The following MAP3K9 variants were observed in gnomAD, a reference collection of about 807,000 sequenced individuals.
MAP3K9 encodes the protein mixed lineage kinase 1 (tyr and ser/thr specificity).
MAP3K9 carries 46 observed loss-of-function variants against 95.8 expected under a neutral mutation model. The observed-to-expected ratio is 0.48, with a 90% CI of 0.38 to 0.61. MAP3K9 has a LOEUF of 0.61. Ranked by LOEUF, MAP3K9 falls within the 20% of genes least tolerant of loss-of-function variation. The probability of loss-of-function intolerance (pLI) is 0.00; values close to 1 mark genes in which losing one functional copy is unlikely to be tolerated. For missense variants in MAP3K9, 1,296 were observed against 1,474.3 expected (o/e 0.88, Z 1.98); for synonymous variants, 533 against 593.8 (o/e 0.90, Z 1.49).
chr14:70,785,482 T>TTC (rs1221375580), intron 2 of MAP3K9, among the ~76,000 whole-genome samples: 1 of 152,106 alleles, frequency 6.6e-6, no homozygotes, highest in Non-Finnish European at 1.5e-5. Flanking sequence ...TTAATGTGGT[T>TTC]TCTCTCTCTC....
chr14:70,745,393 T>G (rs1330367684), intron 5 of MAP3K9, among the ~76,000 whole-genome samples: 1 of 152,112 alleles, frequency 6.6e-6, no homozygotes, highest in East Asian at 1.9e-4. Flanking sequence ...CTATAAACTC[T>G]CCATTCAGCT....
At position 70,803,881 on chromosome 14, in the gene MAP3K9, C is replaced by T. The variant is rs558834149; in HGVS notation, c.407-2801G>A. 3.7e-4 allele frequency among the ~76,000 whole-genome samples: 57 copies of T among 152,302 alleles called. No individual in the cohort carries two copies. In the Middle Eastern group the frequency reaches 0.01, roughly 27 times the overall value. On this transcript the variant is annotated intron_variant, in intron 1 of 11. Coordinates refer to ENST00000554752, the MANE Select transcript of MAP3K9 (RefSeq NM_001284230.2). ...GCTAGGAAGCTAAAAACTACATTTC[C>T]CAGACTCCTTTACAGCTAAAGTTCT... is the stretch of plus-strand genomic sequence containing the variant.
At chr14:70,737,368 A>C (rs984037030) in intron 8 of MAP3K9, among the ~76,000 whole-genome samples, 5 of 152,234 alleles carry the variant, frequency 3.3e-5, no homozygotes, top group Non-Finnish European at 5.9e-5. Context: ...ATAACGTCAC[A>C]CAGCTAGGTG....
In MAP3K9 at chr14:70,809,196, G is replaced by C. The variant is rs556765976; in HGVS notation, c.-25C>G. 9.3e-5 allele frequency: 121 copies of C among 1,295,440 alleles called. 2 individuals are homozygous for C. The South Asian group carries it at 2.8e-3, about 30-fold the overall frequency. The allele number at this position is 1,295,440 out of a possible 1,614,324, so 80.2% of individuals were successfully genotyped here. A position where few individuals can be genotyped will look rare whatever the true frequency, so the allele number is the denominator to read the frequency against. ...TGGAGCGGCCGATCCATAGGGTGCGGGGCCGCCGCCGCCCGCAGGAGCCGC... is the reference window on the plus strand; with the variant it reads ...TGGAGCGGCCGATCCATAGGGTGCGCGGCCGCCGCCGCCCGCAGGAGCCGC... On this transcript the variant is annotated 5_prime_UTR_variant, in exon 1 of 12. Coordinates refer to ENST00000554752, the MANE Select transcript of MAP3K9 (RefSeq NM_001284230.2).
At chr14:70,740,819 T>C (rs1350891125) in intron 6 of MAP3K9, among the ~76,000 whole-genome samples, 1 of 152,230 alleles carries the variant, frequency 6.6e-6, no homozygotes, top group Admixed American at 6.5e-5. Flanking sequence ...TAGACTGTGA[T>C]CTCCCTGCAG....
Position 70,764,192 on chromosome 14 carries a change from C to CAAAAAAAAAA in MAP3K9, c.821-3020_821-3011dup, listed in dbSNP as rs71105731. On this transcript the variant is annotated intron_variant, in intron 2 of 11. Coordinates refer to ENST00000554752, the MANE Select transcript of MAP3K9 (RefSeq NM_001284230.2). The stretch of plus-strand genomic sequence containing the variant: ...TGGGCGACAGAGCGAGACTCCGTCT[C>CAAAAAAAAAA]AAAAAAAAAAAAAAAAAGTTAACTG... Among the ~76,000 whole-genome samples, 13 of 29,854 alleles carry CAAAAAAAAAA rather than the reference C, an allele frequency of 4.4e-4. 4 individuals are homozygous for CAAAAAAAAAA. Among genetic ancestry groups the CAAAAAAAAAA allele is most frequent in the Non-Finnish European group, 5.5e-4 (9 of 16,250 alleles). The allele number at this position is 29,854 out of a possible 152,430, so 19.6% of individuals were successfully genotyped here.
intron 3 of MAP3K9, among the ~76,000 whole-genome samples, chr14:70,751,692 C>T (rs923570765): frequency 6.6e-6 from 1 of 152,154 alleles, no homozygotes; most frequent in African/African-American, 2.4e-5. Context: ...GCACTCTAGC[C>T]TGGGTGACAG....
chr14:70,763,641 C>T (rs1016355332), intron 2 of MAP3K9, among the ~76,000 whole-genome samples: 3 of 152,008 alleles, frequency 2.0e-5, no homozygotes, highest in Non-Finnish European at 4.4e-5. Flanking sequence ...AGTGATTCTC[C>T]CACCTCAGCC....
At chr14:70,751,959 T>G (rs2054234759) in intron 3 of MAP3K9, among the ~76,000 whole-genome samples, 1 of 152,230 alleles carries the variant, frequency 6.6e-6, no homozygotes, top group South Asian at 2.1e-4. Context: ...CCCCCTAGAA[T>G]GCCTTCTACC....
Position 70,808,843 on chromosome 14 carries a change from T to C in MAP3K9, c.329A>G (p.Tyr110Cys), listed in dbSNP as rs1423311491. The C allele has an allele frequency of 1.9e-6, 3 of 1,598,268 alleles. No individual in the cohort carries two copies. Among genetic ancestry groups the C allele is most frequent in the African/African-American group, 1.4e-5 (1 of 74,038 alleles). Residue 110 changes from tyrosine (Y) to cysteine (C), a missense_variant, in exon 1 of 12, where the codon TAC becomes TGC. Tyr to Cys is a radical substitution (Grantham distance 194). Transcript: ENST00000554752. ...GGAGAAGGCGCTGCGCGGGGTCACG[T>C]AGTTGCTGGGGAAGATGCCCACCCG... is the stretch of plus-strand genomic sequence containing the variant. ...NQRVGIFPSN[Y>C]VTPRSAFSSR...
rs1256395822 is a variant in MAP3K9, at chr14:70,727,995, G to GAT, written c.*2384_*2385insAT. 2.0e-5 allele frequency: 3 copies of GAT among 152,200 alleles called. No homozygotes were observed. The highest frequency in any genetic ancestry group is 4.4e-5 in the Non-Finnish European group (3 of 68,078). 9.4% of individuals were successfully genotyped at this position (152,200 alleles called of 1,614,324 possible). Reference sequence around the variant, plus strand: ...TTCATACCACAGAGCACTGTGTATAGGCAGCATGGTTTGGAGGGCCACAAG... The same window carrying GAT: ...TTCATACCACAGAGCACTGTGTATAGATGCAGCATGGTTTGGAGGGCCACAAG... On this transcript the variant is annotated 3_prime_UTR_variant, in exon 12 of 12. Transcript: ENST00000554752.
At chr14:70,748,116 AAAAAT>A (rs2054174497) in intron 5 of MAP3K9, among the ~76,000 whole-genome samples, 1 of 151,612 alleles carries the variant, frequency 6.6e-6, no homozygotes, top group Non-Finnish European at 1.5e-5. Flanking sequence ...AAAAAAAAAA[AAAAAT>A]GGTAAAAGAA....
At chr14:70,785,411 G>T (rs190795259) in intron 2 of MAP3K9, among the ~76,000 whole-genome samples, 45 of 152,164 alleles carry the variant, frequency 3.0e-4, no homozygotes, top group African/African-American at 1.0e-3. Flanking sequence ...TATAAATTAG[G>T]CACAGTAAGA....
At chr14:70,741,997 G>T (rs547098007) in intron 6 of MAP3K9, among the ~76,000 whole-genome samples, 1 of 152,122 alleles carries the variant, frequency 6.6e-6, no homozygotes, top group Non-Finnish European at 1.5e-5. Flanking sequence ...AAAACTTCTC[G>T]TGTCTCACAC....
chr14:70,798,263 TAA>T (rs1162370442), intron 2 of MAP3K9, among the ~76,000 whole-genome samples: 1 of 152,212 alleles, frequency 6.6e-6, no homozygotes, highest in Non-Finnish European at 1.5e-5. Flanking sequence ...CTTCATCAAG[TAA>T]ACTATTAACT....
chr14:70,786,878 T>C (rs1296913855), intron 2 of MAP3K9, among the ~76,000 whole-genome samples: 1 of 152,240 alleles, frequency 6.6e-6, no homozygotes, highest in Non-Finnish European at 1.5e-5. Context: ...TCTTATTTAT[T>C]GTTTTTATTT....
At chr14:70,786,832 C>T (rs147604715) in intron 2 of MAP3K9, among the ~76,000 whole-genome samples, 4 of 152,308 alleles carry the variant, frequency 2.6e-5, no homozygotes, top group Admixed American at 6.5e-5. Context: ...CAAAATCTAT[C>T]GCTATTTTCC....
chr14:70,735,584 G>C (rs2053974444), intron 9 of MAP3K9, among the ~76,000 whole-genome samples: 1 of 152,140 alleles, frequency 6.6e-6, no homozygotes, highest in Non-Finnish European at 1.5e-5. Flanking sequence ...CAAACCCACA[G>C]CCTGGGGCTT....
intron 2 of MAP3K9, among the ~76,000 whole-genome samples, chr14:70,797,702 G>A (rs1403083334): frequency 6.6e-6 from 1 of 152,154 alleles, no homozygotes. Flanking sequence ...CTGCACTCCA[G>A]CCCGGGTGAC....
Sources: allele counts gnomAD v4.1 joint callset (sites outside exome capture counted in the v4.1 genomes callset), GRCh38; gene constraint gnomAD v4.1.1; transcripts MANE v1.5; gene names NCBI Gene and HGNC (gene_info 2026-07-23, HGNC 2026-07-21).